FNDC3B: variants seen among roughly 807,000 people sequenced by gnomAD.
FNDC3B encodes fibronectin type III domain-containing protein 3B.
A neutral mutation model predicts 151.5 loss-of-function variants in FNDC3B; 12 were observed. The observed-to-expected ratio is 0.08, with a 90% CI of 0.05 to 0.13. The LOEUF (loss-of-function observed/expected upper bound fraction) is 0.13. Ranked by LOEUF, FNDC3B falls within the 10% of genes least tolerant of loss-of-function variation. The probability of loss-of-function intolerance (pLI) is 1.00; values close to 1 mark genes in which losing one functional copy is unlikely to be tolerated. For synonymous variants in FNDC3B, 528 were observed against 549.0 expected (o/e 0.96, Z 0.54); for missense variants, 1,214 against 1,505.3 (o/e 0.81, Z 3.20).
At chr3:172,320,249 G>A (rs1018798809) in intron 11 of FNDC3B, among the ~76,000 whole-genome samples, 10 of 152,016 alleles carry the variant, frequency 6.6e-5, no homozygotes, top group Non-Finnish European at 1.3e-4. Context: ...GCATGGTGGC[G>A]CACTCCTGTA....
intron 3 of FNDC3B, among the ~76,000 whole-genome samples, chr3:172,186,174 A>G (rs917363056): frequency 6.6e-6 from 1 of 152,214 alleles, no homozygotes; most frequent in Non-Finnish European, 1.5e-5. Context: ...CATCAGTAGA[A>G]CAAAAGCCTT....
In FNDC3B at chr3:172,087,604, A is replaced by C. The variant is rs77384717; in HGVS notation, c.-28-24848A>C. On this transcript the variant is annotated intron_variant, in intron 1 of 25. Coordinates refer to ENST00000415807, the MANE Select transcript of FNDC3B (RefSeq NM_022763.4). ...CTGAAAAATAAGGGATGGAATAGAT[A>C]ATCTCAGAGGTGCTGCTGATTAAAA... is the stretch of plus-strand genomic sequence containing the variant. Among the ~76,000 whole-genome samples, 484 of 151,640 alleles carry C rather than the reference A, an allele frequency of 3.2e-3. 1 individual carries two copies. The highest frequency in any genetic ancestry group is 5.4e-3 in the Non-Finnish European group (369 of 68,024).
chr3:172,240,254 T>G (rs1727428975), intron 4 of FNDC3B, among the ~76,000 whole-genome samples: 1 of 152,208 alleles, frequency 6.6e-6, no homozygotes, highest in Non-Finnish European at 1.5e-5. Context: ...TCCCTAAGCA[T>G]CATTCTTATT....
chr3:172,194,489 C>A lies in FNDC3B; in HGVS notation c.188-32382C>A, dbSNP rs115015160. On this transcript the variant is annotated intron_variant, in intron 3 of 25. Coordinates refer to ENST00000415807, the MANE Select transcript of FNDC3B (RefSeq NM_022763.4). ...CTCACTCCAAAGTTATTGTTTTCTG[C>A]GTCTGGATTCTACCTTACTGCTTCT... Among the ~76,000 whole-genome samples, 944 of 152,248 alleles carry A rather than the reference C, an allele frequency of 6.2e-3. 9 individuals are homozygous for A. Among genetic ancestry groups the A allele is most frequent in the African/African-American group, 0.022 (895 of 41,520 alleles).
At chr3:172,222,966 G>C (rs567078157) in intron 3 of FNDC3B, among the ~76,000 whole-genome samples, 1 of 152,328 alleles carries the variant, frequency 6.6e-6, no homozygotes, top group East Asian at 1.9e-4. Flanking sequence ...TCTCTTTGAT[G>C]TGTGAATACT....
chr3:172,099,020 T>A (rs1455831337), intron 1 of FNDC3B, among the ~76,000 whole-genome samples: 3 of 152,220 alleles, frequency 2.0e-5, no homozygotes, highest in African/African-American at 4.8e-5. Context: ...AGGCTAACAG[T>A]GACTGGCTAG....
chr3:172,050,903 A>G (rs1199028577), intron 1 of FNDC3B, among the ~76,000 whole-genome samples: 2 of 152,016 alleles, frequency 1.3e-5, no homozygotes, highest in African/African-American at 4.8e-5. Context: ...CGGATATCAA[A>G]AGGTATTGAG....
chr3:172,345,721 G>T (rs1267609057), intron 19 of FNDC3B, among the ~76,000 whole-genome samples: 2 of 152,166 alleles, frequency 1.3e-5, no homozygotes, highest in African/African-American at 4.8e-5. Flanking sequence ...TCAGGTGGCT[G>T]TGACTCTCTC....
chr3:172,217,375 T>A (rs1401609995), intron 3 of FNDC3B, among the ~76,000 whole-genome samples: 1 of 152,254 alleles, frequency 6.6e-6, no homozygotes, highest in South Asian at 2.1e-4. Flanking sequence ...TCACCAACTT[T>A]CTGTACCATT....
intron 1 of FNDC3B, among the ~76,000 whole-genome samples, chr3:172,092,319 A>G (rs1260549144): frequency 6.6e-6 from 1 of 152,216 alleles, no homozygotes; most frequent in East Asian, 1.9e-4. Flanking sequence ...AGCCCCTGTC[A>G]TATGCTGGAC....
chr3:172,378,446 C>A lies in FNDC3B; in HGVS notation c.3175+10C>A. The A allele has an allele frequency of 6.3e-7, 1 of 1,589,594 alleles. No individual in the cohort carries two copies. The highest frequency in any genetic ancestry group is 8.5e-7 in the Non-Finnish European group (1 of 1,170,362). ...CCCCCCACCATCAAAGGTGTGTAGA[C>A]TATGTATTCTTTCTCGCTCTCTTGT... On this transcript the variant is annotated intron_variant, in intron 24 of 25. Coordinates refer to ENST00000415807, the MANE Select transcript of FNDC3B (RefSeq NM_022763.4).
chr3:172,400,136 CTT>C lies in FNDC3B; in HGVS notation c.*2663_*2664del, dbSNP rs750097205. The C allele has an allele frequency of 3.3e-5, 5 of 152,336 alleles. No homozygotes were observed. 9.4% of individuals were successfully genotyped at this position (152,336 alleles called of 1,614,324 possible). On this transcript the variant is annotated 3_prime_UTR_variant, in exon 26 of 26. Transcript: ENST00000415807. ...ATAAAGTGTTCTATTAACCTGATCT[CTT>C]TGCCCTTTTGCTATGTGAGGAGTGA...
intron 8 of FNDC3B, among the ~76,000 whole-genome samples, chr3:172,296,260 G>C (rs772190500): frequency 1.9e-4 from 29 of 151,736 alleles, no homozygotes; most frequent in Non-Finnish European, 2.2e-4. Context: ...GTAATAATGT[G>C]GTCACACAAT....
At chr3:172,235,937 T>C (rs1403391468) in intron 4 of FNDC3B, among the ~76,000 whole-genome samples, 2 of 152,192 alleles carry the variant, frequency 1.3e-5, no homozygotes, top group African/African-American at 4.8e-5. Flanking sequence ...GTGACTGGCC[T>C]TCCCTTCTGT....
At chr3:172,333,255 T>C in intron 14 of FNDC3B, 80 bp downstream of exon 14, 3 of 909,350 alleles carry the variant, frequency 3.3e-6, no homozygotes, top group Non-Finnish European at 5.5e-6. Context: ...TCAGATTGAC[T>C]CTACAGGTTA....
At chr3:172,316,967 T>C (rs1424899720) in intron 11 of FNDC3B, among the ~76,000 whole-genome samples, 1 of 152,098 alleles carries the variant, frequency 6.6e-6, no homozygotes, top group African/African-American at 2.4e-5. Context: ...CCTCCCATAA[T>C]AGAAGACAGG....
intron 6 of FNDC3B, among the ~76,000 whole-genome samples, chr3:172,251,918 T>C (rs919145089): frequency 1.3e-5 from 2 of 152,248 alleles, no homozygotes; most frequent in African/African-American, 4.8e-5. Context: ...AAAATAATTA[T>C]ACCTCATAAA....
intron 3 of FNDC3B, among the ~76,000 whole-genome samples, chr3:172,135,271 G>A (rs188816702): frequency 5.4e-4 from 82 of 152,038 alleles, no homozygotes; most frequent in Admixed American, 2.0e-3. Context: ...GTGTGTGTGT[G>A]TATATATGTG....
At position 172,279,899 on chromosome 3, in the gene FNDC3B, CGTT is replaced by C. The variant is rs59528273; in HGVS notation, c.791-6002_791-6000del. Reference sequence around the variant, plus strand: ...GTAGAAAAGCAATTCAACACATATTCGTTGTTGTTGTTGTTGTTGTTGTTGTTT... The same window carrying C: ...GTAGAAAAGCAATTCAACACATATTCGTTGTTGTTGTTGTTGTTGTTGTTT... On this transcript the variant is annotated intron_variant, in intron 6 of 25. Coordinates refer to ENST00000415807, the MANE Select transcript of FNDC3B (RefSeq NM_022763.4). Among the ~76,000 whole-genome samples the C allele has an allele frequency of 1.7e-3, 257 of 151,442 alleles. 1 individual carries two copies. The highest frequency in any genetic ancestry group is 3.4e-3 in the Middle Eastern group (1 of 294).
Sources: allele counts gnomAD v4.1 joint callset (sites outside exome capture counted in the v4.1 genomes callset), GRCh38; gene constraint gnomAD v4.1.1; transcripts MANE v1.5; gene names NCBI Gene and HGNC (gene_info 2026-07-23, HGNC 2026-07-21).